Variants in RIMS2 observed in about 807,000 individuals in gnomAD.
The protein encoded by RIMS2 is regulating synaptic membrane exocytosis protein 2.
In RIMS2, 59 loss-of-function variants were observed where a neutral mutation model predicts 174.4. That is an observed-to-expected ratio of 0.34 (90% CI 0.27 to 0.42). The LOEUF is 0.42. RIMS2 is among the 10% of genes least tolerant of loss of function. The pLI is 1.00. For missense variants in RIMS2, 1,620 were observed against 1,666.3 expected (o/e 0.97, Z 0.48); for synonymous variants, 606 against 572.5 (o/e 1.06, Z -0.84).
At chr8:103,848,574 T>G (rs2098980216) in intron 3 of RIMS2, among the ~76,000 whole-genome samples, 1 of 152,022 alleles carries the variant, frequency 6.6e-6, no homozygotes, top group South Asian at 2.1e-4. Flanking sequence ...ACTTGAAGTC[T>G]TGAGATCAGA....
chr8:103,639,270 T>C (rs1320970475), intron 1 of RIMS2, among the ~76,000 whole-genome samples: 1 of 151,968 alleles, frequency 6.6e-6, no homozygotes, highest in Non-Finnish European at 1.5e-5. Context: ...TTAAATACAA[T>C]TTGATCAATT....
At chr8:103,954,781 G>A (rs528106849) in intron 14 of RIMS2, among the ~76,000 whole-genome samples, 8 of 151,874 alleles carry the variant, frequency 5.3e-5, no homozygotes, top group Admixed American at 3.3e-4. Context: ...ACAGAGACAC[G>A]AAAAAACATT....
chr8:104,073,801 A>T (rs778521528), intron 19 of RIMS2, among the ~76,000 whole-genome samples: 3 of 152,146 alleles, frequency 2.0e-5, no homozygotes, highest in Non-Finnish European at 4.4e-5. Context: ...CTAGTCTTTT[A>T]GGCACCCATT....
intron 19 of RIMS2, among the ~76,000 whole-genome samples, chr8:104,197,155 AT>A (rs2099028800): frequency 6.7e-6 from 1 of 149,972 alleles, no homozygotes; most frequent in African/African-American, 2.4e-5. Context: ...TGTATTTGTA[AT>A]TCAACAATCT....
chr8:104,209,530 C>T (rs7018164), intron 19 of RIMS2, among the ~76,000 whole-genome samples: 17,610 of 152,206 alleles, frequency 0.12, 1,454 homozygotes, highest in African/African-American at 0.23. Context: ...CCTTACTGTG[C>T]TATACTGTTG....
intron 3 of RIMS2, among the ~76,000 whole-genome samples, chr8:103,808,969 A>G (rs1297943565): frequency 6.6e-6 from 1 of 152,170 alleles, no homozygotes; most frequent in African/African-American, 2.4e-5. Context: ...GACTTGATAT[A>G]TCTGTTGACT....
intron 19 of RIMS2, among the ~76,000 whole-genome samples, chr8:104,121,694 G>T (rs2098377301): frequency 6.6e-6 from 1 of 152,184 alleles, no homozygotes; most frequent in Non-Finnish European, 1.5e-5. Flanking sequence ...GAGCGAGGTG[G>T]CTCTAGCCTG....
At chr8:104,119,691 A>G (rs1280224702) in intron 19 of RIMS2, among the ~76,000 whole-genome samples, 1 of 152,146 alleles carries the variant, frequency 6.6e-6, no homozygotes, top group Non-Finnish European at 1.5e-5. Flanking sequence ...TTAGTAGTGT[A>G]TTGTCAACTT....
chr8:103,587,404 A>T (rs1307655827), intron 1 of RIMS2, among the ~76,000 whole-genome samples: 1 of 136,864 alleles, frequency 7.3e-6, no homozygotes, highest in Non-Finnish European at 1.6e-5. Flanking sequence ...ATCAGGAAGA[A>T]AAAAGAAGAA....
chr8:104,094,878 A>T, intron 19 of RIMS2: 1 of 553,164 alleles, frequency 1.8e-6, no homozygotes, highest in Non-Finnish European at 3.2e-6. Flanking sequence ...TTGGCAAACT[A>T]TTATCAAATA....
intron 3 of RIMS2, among the ~76,000 whole-genome samples, chr8:103,803,105 A>G (rs894526583): frequency 6.6e-6 from 1 of 152,024 alleles, no homozygotes; most frequent in Non-Finnish European, 1.5e-5. Context: ...AACCTACCCT[A>G]TTTTATCTAC....
chr8:104,154,677 T>A (rs1475948188), intron 19 of RIMS2, among the ~76,000 whole-genome samples: 2 of 152,172 alleles, frequency 1.3e-5, no homozygotes, highest in Non-Finnish European at 2.9e-5. Flanking sequence ...AGAACTTAAG[T>A]GGAGATCATT....
intron 1 of RIMS2, among the ~76,000 whole-genome samples, chr8:103,606,787 G>T (rs999259851): frequency 1.8e-4 from 27 of 151,578 alleles, no homozygotes; most frequent in East Asian, 1.7e-3. Context: ...ATCTTTGTTG[G>T]TTTAAAGTCT....
chr8:103,856,149 T>A (rs1348940453), intron 3 of RIMS2, among the ~76,000 whole-genome samples: 1 of 152,210 alleles, frequency 6.6e-6, no homozygotes, highest in African/African-American at 2.4e-5. Flanking sequence ...ATTTTAGTAG[T>A]TTAAAATCTA....
Position 103,858,699 on chromosome 8 carries a change from G to GTA in RIMS2, c.699-26588_699-26587dup, listed in dbSNP as rs139981712. ...TACGTGTGTGTGTATATATATACGT[G>GTA]TATATATATATACACATACCAATAC... On this transcript the variant is annotated intron_variant, in intron 3 of 23. Transcript: ENST00000504942. 1.7e-3 allele frequency among the ~76,000 whole-genome samples: 250 copies of GTA among 145,262 alleles called. 3 individuals carry two copies. Among genetic ancestry groups the GTA allele is most frequent in the South Asian group, 4.4e-4 (2 of 4,576 alleles).
chr8:104,212,846 C>T (rs1305293049), intron 19 of RIMS2, among the ~76,000 whole-genome samples: 1 of 152,172 alleles, frequency 6.6e-6, no homozygotes, highest in African/African-American at 2.4e-5. Context: ...CACTATGCTA[C>T]ACAGACACAT....
intron 14 of RIMS2, among the ~76,000 whole-genome samples, chr8:103,953,481 T>C (rs200210486): frequency 6.6e-6 from 1 of 152,166 alleles, no homozygotes. Context: ...TCAAGCCAGA[T>C]TTTCATATCC....
At chr8:103,693,069 G>A (rs1485860321) in intron 1 of RIMS2, among the ~76,000 whole-genome samples, 1 of 152,164 alleles carries the variant, frequency 6.6e-6, no homozygotes, top group East Asian at 1.9e-4. Context: ...CTGCTGTGAT[G>A]GGCAATTCAC....
chr8:104,190,575 G>T (rs1280542586), intron 19 of RIMS2, among the ~76,000 whole-genome samples: 1 of 151,946 alleles, frequency 6.6e-6, no homozygotes, highest in Non-Finnish European at 1.5e-5. Context: ...CAAATATTTT[G>T]ATTTGTCTCC....
Sources: allele counts gnomAD v4.1 joint callset (sites outside exome capture counted in the v4.1 genomes callset), GRCh38; gene constraint gnomAD v4.1.1; transcripts MANE v1.5; gene names NCBI Gene and HGNC (gene_info 2026-07-23, HGNC 2026-07-21).